DLG2: variants seen among roughly 807,000 people sequenced by gnomAD.
DLG2 encodes the protein disks large homolog 2.
In DLG2, 45 loss-of-function variants were observed where a neutral mutation model predicts 132.5. The ratio of observed to expected loss-of-function variants is 0.34; its 90% CI spans 0.27 to 0.44. DLG2 has a LOEUF of 0.44. DLG2 is among the 20% of genes least tolerant of loss of function. The probability of loss-of-function intolerance (pLI) is 1.00; values close to 1 mark genes in which losing one functional copy is unlikely to be tolerated. For missense variants in DLG2, 1,045 were observed against 1,196.9 expected (o/e 0.87, Z 1.87); for synonymous variants, 424 against 419.6 (o/e 1.01, Z -0.13).
Position 83,466,764 on chromosome 11 carries a change from AACTTG to A in DLG2, c.2668_2672del (p.Gln890CysfsTer23). 1.2e-6 allele frequency: 2 copies of A among 1,613,934 alleles called. No homozygotes were observed. The highest frequency in any genetic ancestry group is 2.2e-5 in the South Asian group (2 of 91,076). On this transcript the variant is annotated frameshift_variant, in exon 26 of 28. Coordinates refer to ENST00000376104, the MANE Select transcript of DLG2 (RefSeq NM_001142699.3). LOFTEE classifies it high-confidence loss of function. ...AGATGGCAATGGGATAGAGCTGGGC[AACTTG>A]TAACCGCTTGATAGCATTTCCTGAT...
chr11:84,480,594 G>A (rs1429250451), intron 7 of DLG2, among the ~76,000 whole-genome samples: 2 of 152,064 alleles, frequency 1.3e-5, no homozygotes, highest in African/African-American at 4.8e-5. Flanking sequence ...CCCATTATTG[G>A]TATGAAGAAA....
intron 3 of DLG2, among the ~76,000 whole-genome samples, chr11:85,460,590 G>A (rs969941495): frequency 2.0e-5 from 3 of 152,158 alleles, no homozygotes; most frequent in Non-Finnish European, 2.9e-5. Context: ...TGTTCCAGTT[G>A]AAGATACAGT....
At chr11:84,470,641 G>T (rs1483233894) in intron 7 of DLG2, among the ~76,000 whole-genome samples, 1 of 151,718 alleles carries the variant, frequency 6.6e-6, no homozygotes, top group Non-Finnish European at 1.5e-5. Context: ...AGATACAATT[G>T]CATAAATGGT....
At chr11:84,705,223 A>T (rs1004679503) in intron 6 of DLG2, among the ~76,000 whole-genome samples, 1 of 151,700 alleles carries the variant, frequency 6.6e-6, no homozygotes, top group African/African-American at 2.4e-5. Context: ...GGAGAAGACA[A>T]TGGTGCTGAG....
chr11:84,285,397 G>T (rs1371162050), intron 7 of DLG2, among the ~76,000 whole-genome samples: 2 of 152,082 alleles, frequency 1.3e-5, no homozygotes, highest in African/African-American at 2.4e-5. Flanking sequence ...CCTTCTCTGT[G>T]ACCTAGCCCC....
rs552138939 is a variant in DLG2, at chr11:84,036,334, CT to C, written c.919+22980del. 1.6e-3 allele frequency among the ~76,000 whole-genome samples: 242 copies of C among 152,278 alleles called. 4 individuals are homozygous for C. Among genetic ancestry groups the C allele is most frequent in the Non-Finnish European group, 2.7e-3 (185 of 68,016 alleles). ...CCAAACTAGCTTCTTCCCAGAATAG[CT>C]GATATCCTTCATGAAAATGAAATGT... On this transcript the variant is annotated intron_variant, in intron 11 of 27. Coordinates refer to ENST00000376104, the MANE Select transcript of DLG2 (RefSeq NM_001142699.3).
intron 5 of DLG2, among the ~76,000 whole-genome samples, chr11:85,139,326 T>C (rs1157057494): frequency 6.6e-6 from 1 of 152,074 alleles, no homozygotes; most frequent in African/African-American, 2.4e-5. Flanking sequence ...ATGAGATGCA[T>C]CACATGGAAA....
At chr11:85,038,962 T>G (rs915066040) in intron 6 of DLG2, among the ~76,000 whole-genome samples, 1 of 152,038 alleles carries the variant, frequency 6.6e-6, no homozygotes, top group Non-Finnish European at 1.5e-5. Flanking sequence ...TTTGACAATA[T>G]TTGTTACTTC....
At chr11:85,080,347 AAT>A (rs1372718556) in intron 6 of DLG2, among the ~76,000 whole-genome samples, 1 of 152,114 alleles carries the variant, frequency 6.6e-6, no homozygotes, top group African/African-American at 2.4e-5. Context: ...TAGAATTAGC[AAT>A]GTTTTTTAAA....
At chr11:85,437,391 G>A (rs1206730569) in intron 3 of DLG2, among the ~76,000 whole-genome samples, 1 of 151,696 alleles carries the variant, frequency 6.6e-6, no homozygotes, top group Non-Finnish European at 1.5e-5. Context: ...TTCATACATT[G>A]ACTGCCAAAA....
At chr11:85,333,521 G>A (rs557829213) in intron 3 of DLG2, among the ~76,000 whole-genome samples, 1 of 152,240 alleles carries the variant, frequency 6.6e-6, no homozygotes, top group Admixed American at 6.5e-5. Context: ...AGTTCTCAGA[G>A]GGATTGCTTC....
At position 84,963,408 on chromosome 11, in the gene DLG2, C is replaced by T. The variant is rs1468167372; in HGVS notation, c.357+148253G>A. The stretch of plus-strand genomic sequence containing the variant: ...GAGAGAGCTGCAAGGGAACAAATTC[C>T]TGAGAATAACCCATTTGCCCACTCT... On this transcript the variant is annotated intron_variant, in intron 6 of 27. Coordinates refer to ENST00000376104, the MANE Select transcript of DLG2 (RefSeq NM_001142699.3). 2.0e-5 allele frequency among the ~76,000 whole-genome samples: 3 copies of T among 152,030 alleles called. No homozygotes were observed. In the East Asian group the frequency reaches 5.8e-4, roughly 30 times the overall value.
At chr11:85,092,477 CAT>C (rs954073653) in intron 6 of DLG2, among the ~76,000 whole-genome samples, 4 of 151,904 alleles carry the variant, frequency 2.6e-5, no homozygotes, top group Non-Finnish European at 5.9e-5. Context: ...ATTTGAGAAA[CAT>C]ACAAAAACAT....
chr11:84,472,262 G>T lies in DLG2; in HGVS notation c.519+62308C>A, dbSNP rs535565989. ...ATACATATAATATGTATTGTGTCTA[G>T]CATGCTACCTATTGGCTCATACATA... On this transcript the variant is annotated intron_variant, in intron 7 of 27. Transcript: ENST00000376104. 5.3e-5 allele frequency among the ~76,000 whole-genome samples: 8 copies of T among 151,880 alleles called. No individual in the cohort carries two copies. The South Asian group carries it at 1.2e-3, about 24-fold the overall frequency.
intron 3 of DLG2, among the ~76,000 whole-genome samples, chr11:85,585,674 T>C (rs2508222): frequency 6.6e-6 from 1 of 152,136 alleles, no homozygotes; most frequent in Non-Finnish European, 1.5e-5. Context: ...GAGATGATCA[T>C]GTGATTTTTG....
intron 18 of DLG2, among the ~76,000 whole-genome samples, chr11:83,644,995 G>T (rs1442169223): frequency 1.3e-5 from 2 of 152,108 alleles, no homozygotes; most frequent in Non-Finnish European, 2.9e-5. Context: ...TATTATGATG[G>T]AAAACCTGGA....
chr11:84,825,364 G>A (rs551567508), intron 6 of DLG2, among the ~76,000 whole-genome samples: 1 of 151,954 alleles, frequency 6.6e-6, no homozygotes, highest in East Asian at 2.0e-4. Context: ...ACTCAACAGA[G>A]GCTTCTGCAA....
chr11:85,569,147 T>C (rs905759854), intron 3 of DLG2, among the ~76,000 whole-genome samples: 16 of 152,226 alleles, frequency 1.1e-4, no homozygotes, highest in Non-Finnish European at 2.4e-4. Context: ...TTCTCCTTCC[T>C]CAGCCTCCTG....
chr11:85,001,873 A>G (rs763308457), intron 6 of DLG2, among the ~76,000 whole-genome samples: 5 of 152,150 alleles, frequency 3.3e-5, no homozygotes, highest in African/African-American at 9.7e-5. Flanking sequence ...GGAAATCTCT[A>G]TATCTTCTGC....
Sources: allele counts gnomAD v4.1 joint callset (sites outside exome capture counted in the v4.1 genomes callset), GRCh38; gene constraint gnomAD v4.1.1; transcripts MANE v1.5; gene names NCBI Gene and HGNC (gene_info 2026-07-23, HGNC 2026-07-21).